Variants in SCAI observed in about 807,000 individuals in gnomAD.
The protein encoded by SCAI is protein SCAI.
A neutral mutation model predicts 92.2 loss-of-function variants in SCAI; 24 were observed. The ratio of observed to expected loss-of-function variants is 0.26; its 90% CI spans 0.19 to 0.37. The LOEUF is 0.37. Among genes scored for constraint, SCAI ranks in the 10% least tolerant of loss-of-function variants. The probability of loss-of-function intolerance (pLI) is 1.00; values close to 1 mark genes in which losing one functional copy is unlikely to be tolerated. For missense variants in SCAI, 450 were observed against 736.2 expected, an observed-to-expected ratio of 0.61 and a Z score of 4.50; for synonymous variants, 261 against 258.6, an observed-to-expected ratio of 1.01 and a Z score of -0.09.
intron 3 of SCAI, among the ~76,000 whole-genome samples, chr9:125,040,498 GTTTC>G (rs941728436): frequency 4.6e-5 from 7 of 152,068 alleles, no homozygotes; most frequent in African/African-American, 1.5e-4. Flanking sequence ...AATATATCGG[GTTTC>G]TTTAATACAT....
At chr9:124,963,464 C>T (rs1395384453) in intron 17 of SCAI, among the ~76,000 whole-genome samples, 2 of 151,766 alleles carry the variant, frequency 1.3e-5, no homozygotes, top group African/African-American at 4.8e-5. Context: ...AGAAAATTGG[C>T]CAGGGCTGAG....
In SCAI at chr9:125,091,638, G is replaced by A. The variant is rs768821750; in HGVS notation, c.99-35631C>T. ...CTGAAGAAATACACATAATCATGCT[G>A]ACTGATCTCACTTTCAAAGCATGAC... On this transcript the variant is annotated intron_variant, in intron 2 of 17. Coordinates refer to ENST00000336505, the MANE Select transcript of SCAI (RefSeq NM_001144877.3). This position sits in a 1 kb window ranked among gnomAD's most constrained non-coding sequence, Gnocchi z 4.3. Among the ~76,000 whole-genome samples, 2 of 152,150 alleles carry A rather than the reference G, an allele frequency of 1.3e-5. No individual in the cohort carries two copies. The highest frequency in any genetic ancestry group is 2.4e-5 in the African/African-American group (1 of 41,416).
chr9:125,023,508 T>C (rs1304318702), intron 6 of SCAI, among the ~76,000 whole-genome samples: 1 of 152,232 alleles, frequency 6.6e-6, no homozygotes, highest in African/African-American at 2.4e-5. Flanking sequence ...ATTCTGTTAC[T>C]TTTTTGATTA....
intron 3 of SCAI, among the ~76,000 whole-genome samples, chr9:125,037,272 TA>T (rs35842767): frequency 0.27 from 37,698 of 142,044 alleles, 5,447 homozygotes; most frequent in East Asian, 0.48. Flanking sequence ...CTTTGTCGAT[TA>T]AAAAAAAAAA....
intron 2 of SCAI, among the ~76,000 whole-genome samples, chr9:125,123,067 G>GA (rs754152343): frequency 6.6e-6 from 1 of 152,076 alleles, no homozygotes; most frequent in Non-Finnish European, 1.5e-5. Context: ...TCTATTGTTA[G>GA]AAAGACAGGC....
intron 6 of SCAI, among the ~76,000 whole-genome samples, chr9:125,021,775 C>CA (rs1832875304): frequency 6.6e-6 from 1 of 151,344 alleles, no homozygotes; most frequent in Admixed American, 6.6e-5. Flanking sequence ...AACTTATTGA[C>CA]TTTTTTTTTG....
chr9:125,092,302 T>A (rs529108404), intron 2 of SCAI, among the ~76,000 whole-genome samples: 5 of 150,040 alleles, frequency 3.3e-5, no homozygotes, highest in African/African-American at 4.9e-5. Context: ...TACTAAAAAA[T>A]AAATAAATAA....
At chr9:125,106,122 A>AAAAAAAAAATATATAT (rs1554791724) in intron 2 of SCAI, among the ~76,000 whole-genome samples, 1 of 8,864 alleles carries the variant, frequency 1.1e-4, no homozygotes, top group African/African-American at 2.3e-4. Context: ...AAAAAAAAAA[A>AAAAAAAAAATATATAT]ATATATATAT....
intron 14 of SCAI, among the ~76,000 whole-genome samples, 166 bp from the exon 15 acceptor site, chr9:124,976,352 C>T (rs1446256389): frequency 2.6e-5 from 4 of 152,172 alleles, no homozygotes; most frequent in Non-Finnish European, 4.4e-5. Context: ...TATATAAGTA[C>T]CATGCATAAT....
At chr9:125,078,503 G>A (rs553441264) in intron 2 of SCAI, among the ~76,000 whole-genome samples, 1 of 152,268 alleles carries the variant, frequency 6.6e-6, no homozygotes, top group African/African-American at 2.4e-5. Flanking sequence ...ACTCCAGCTT[G>A]GGCGATAAGA....
chr9:125,072,264 C>T lies in SCAI; in HGVS notation c.99-16257G>A, dbSNP rs571425581. 7.9e-5 allele frequency among the ~76,000 whole-genome samples: 12 copies of T among 152,214 alleles called. No homozygotes were observed. In the South Asian group the frequency reaches 8.3e-4, roughly 11 times the overall value. On this transcript the variant is annotated intron_variant, in intron 2 of 17. Coordinates refer to ENST00000336505, the MANE Select transcript of SCAI (RefSeq NM_001144877.3). ...GTCTCGATCTCCTGACCTCATGATC[C>T]GCCCACCTTGGCCTCCCAATGTGCT...
chr9:125,010,171 C>G (rs1201214579), intron 9 of SCAI, among the ~76,000 whole-genome samples: 5 of 152,202 alleles, frequency 3.3e-5, no homozygotes, highest in African/African-American at 1.2e-4. Flanking sequence ...AGGGAGCACG[C>G]AGTGGGCGCA....
At chr9:125,109,756 G>C (rs928322512) in intron 2 of SCAI, among the ~76,000 whole-genome samples, 1 of 151,878 alleles carries the variant, frequency 6.6e-6, no homozygotes, top group African/African-American at 2.4e-5. Context: ...ATGTGATCTC[G>C]GCTCACTGCA....
intron 3 of SCAI, among the ~76,000 whole-genome samples, chr9:125,045,885 C>A: frequency 6.6e-6 from 1 of 151,440 alleles, no homozygotes. Flanking sequence ...CTCTCTATAC[C>A]CCTCCTGAAG....
chr9:125,115,021 C>T (rs1411798528), intron 2 of SCAI, among the ~76,000 whole-genome samples: 1 of 152,016 alleles, frequency 6.6e-6, no homozygotes. Flanking sequence ...GATCTGTCCA[C>T]CTCAGCTTCC....
At chr9:124,991,390 T>C (rs1385212691) in intron 14 of SCAI, among the ~76,000 whole-genome samples, 1 of 128,692 alleles carries the variant, frequency 7.8e-6, no homozygotes, top group Non-Finnish European at 1.6e-5. Context: ...TAACGAGTAA[T>C]ATTTAAATGA....
intron 3 of SCAI, among the ~76,000 whole-genome samples, chr9:125,050,048 G>C (rs1383481353): frequency 7.0e-6 from 1 of 142,580 alleles, no homozygotes; most frequent in African/African-American, 2.6e-5. Flanking sequence ...CAAGCAAAAA[G>C]AAAAACATGT....
At chr9:125,003,864 G>GT (rs1334828130) in intron 9 of SCAI, among the ~76,000 whole-genome samples, 3 of 151,910 alleles carry the variant, frequency 2.0e-5, no homozygotes, top group African/African-American at 4.8e-5. Context: ...CTCAGGTTTT[G>GT]TTTTTTTAAG....
At chr9:125,030,051 T>A (rs956506126) in intron 3 of SCAI, among the ~76,000 whole-genome samples, 6 of 152,176 alleles carry the variant, frequency 3.9e-5, no homozygotes, top group African/African-American at 1.4e-4. Flanking sequence ...TACTGACAAC[T>A]TCCAAATGTT....
Sources: gnomAD v4.1 joint callset for allele counts (sites outside exome capture counted in the v4.1 genomes callset) on GRCh38, gnomAD v4.1.1 for gene constraint, Gnocchi (gnomAD v3.1) non-coding constraint, MANE v1.5 for transcripts, NCBI Gene and HGNC (gene_info 2026-07-23, HGNC 2026-07-21) for gene names.